The following HECTD2 variants were observed in gnomAD, a reference collection of about 807,000 sequenced individuals.
The protein encoded by HECTD2 is probable E3 ubiquitin-protein ligase HECTD2.
Under a neutral mutation model 103.2 loss-of-function variants are expected in HECTD2, and 35 were observed. That is an observed-to-expected ratio of 0.34 (90% CI 0.26 to 0.45). The LOEUF is 0.45. Among genes scored for constraint, HECTD2 ranks in the 20% least tolerant of loss-of-function variants. The pLI is 1.00. For synonymous variants in HECTD2, 281 were observed against 329.9 expected (o/e 0.85, Z 1.61); for missense variants, 596 against 937.4 (o/e 0.64, Z 4.76).
intron 5 of HECTD2, chr10:91,463,743 C>T (rs1360995174): frequency 6.6e-6 from 1 of 152,100 alleles, no homozygotes; most frequent in Non-Finnish European, 1.5e-5. Context: ...ATGAAAATAA[C>T]ATTACACATC....
chr10:91,414,896 C>T (rs1307803814), intron 1 of HECTD2, among the ~76,000 whole-genome samples: 10 of 151,952 alleles, frequency 6.6e-5, no homozygotes, highest in Admixed American at 5.9e-4. Context: ...TTTTTTTCCC[C>T]CTGCGGTTAG....
In HECTD2 at chr10:91,513,302, A is replaced by G. The variant is rs372562565; in HGVS notation, c.*918A>G. The G allele has an allele frequency of 6.6e-6, 1 of 152,662 alleles. No homozygotes were observed. The highest frequency in any genetic ancestry group is 2.4e-5 in the African/African-American group (1 of 41,470). 9.5% of individuals were successfully genotyped at this position (152,662 alleles called of 1,614,324 possible). On this transcript the variant is annotated 3_prime_UTR_variant, in exon 21 of 21. Transcript: ENST00000298068. ...CTTTTATAAATCTTTTGAATCATGT[A>G]CAAGACTTATATCTACATTTTTTGA... is the stretch of plus-strand genomic sequence containing the variant.
intron 2 of HECTD2, among the ~76,000 whole-genome samples, chr10:91,427,126 TTAC>T: frequency 6.6e-6 from 1 of 150,592 alleles, no homozygotes; most frequent in Non-Finnish European, 1.5e-5. Flanking sequence ...TTGCGATAGT[TTAC>T]TGAGAATGAT....
intron 2 of HECTD2, among the ~76,000 whole-genome samples, chr10:91,434,195 A>AT (rs1253009610): frequency 2.7e-5 from 4 of 150,514 alleles, no homozygotes; most frequent in Admixed American, 1.3e-4. Flanking sequence ...CTTCAATTTT[A>AT]TTTTTTGCCA....
intron 20 of HECTD2, among the ~76,000 whole-genome samples, chr10:91,504,383 A>T (rs1425487678): frequency 6.6e-6 from 1 of 150,660 alleles, no homozygotes; most frequent in Non-Finnish European, 1.5e-5. Context: ...CTTTGAAAAA[A>T]ATTTAGAAGA....
intron 5 of HECTD2, among the ~76,000 whole-genome samples, chr10:91,475,705 C>T (rs892077955): frequency 6.6e-6 from 1 of 152,146 alleles, no homozygotes; most frequent in Non-Finnish European, 1.5e-5. Flanking sequence ...ATACATCAGT[C>T]AGGGTCCTGG....
chr10:91,493,120 A>C (rs775729453), intron 13 of HECTD2, among the ~76,000 whole-genome samples: 4 of 151,644 alleles, frequency 2.6e-5, no homozygotes, highest in Non-Finnish European at 4.4e-5. Context: ...CTATGAAACT[A>C]TACTTTTTAT....
At chr10:91,438,119 C>CTTAAAGAA (rs1844214700) in intron 2 of HECTD2, among the ~76,000 whole-genome samples, 1 of 151,534 alleles carries the variant, frequency 6.6e-6, no homozygotes, top group Non-Finnish European at 1.5e-5. Flanking sequence ...TTCTGGGATA[C>CTTAAAGAA]ATGTGCAGAA....
chr10:91,424,255 A>G (rs1239174949), intron 1 of HECTD2, among the ~76,000 whole-genome samples: 2 of 152,148 alleles, frequency 1.3e-5, no homozygotes, highest in Non-Finnish European at 2.9e-5. Context: ...GCCTGTTAGA[A>G]TGAATCAGAT....
At chr10:91,458,275 T>C (rs1440149636) in intron 2 of HECTD2, among the ~76,000 whole-genome samples, 1 of 151,846 alleles carries the variant, frequency 6.6e-6, no homozygotes, top group Non-Finnish European at 1.5e-5. Flanking sequence ...GTGAAAGAAA[T>C]TAAGATCTAA....
chr10:91,414,652 G>C (rs960699521), intron 1 of HECTD2, among the ~76,000 whole-genome samples: 1 of 152,210 alleles, frequency 6.6e-6, no homozygotes. Flanking sequence ...GAAAGGCCTT[G>C]AAGTAAAGGT....
intron 2 of HECTD2, among the ~76,000 whole-genome samples, chr10:91,429,521 G>A (rs982326301): frequency 2.0e-5 from 3 of 152,010 alleles, no homozygotes; most frequent in African/African-American, 4.8e-5. Context: ...ACTCTTTTTG[G>A]TTGGTAAGCT....
At chr10:91,475,003 G>C (rs1292407433) in intron 5 of HECTD2, among the ~76,000 whole-genome samples, 1 of 152,204 alleles carries the variant, frequency 6.6e-6, no homozygotes, top group Non-Finnish European at 1.5e-5. Context: ...CAGAAATAAG[G>C]CTTGTGAGAC....
At position 91,498,979 on chromosome 10, in the gene HECTD2, A is replaced by C. The variant is rs931993384; in HGVS notation, c.1843+20A>C. The C allele has an allele frequency of 6.5e-7, 1 of 1,549,640 alleles. No individual in the cohort carries two copies. The highest frequency in any genetic ancestry group is 1.7e-5 in the Admixed American group (1 of 58,394). On this transcript the variant is annotated intron_variant, in intron 17 of 20. Coordinates refer to ENST00000298068, the MANE Select transcript of HECTD2 (RefSeq NM_182765.6). ...GAAAAGGTAAGTTAATACCCTTTTTAATTAAAATGAATTAGTATTTGCCAT... is the reference window on the plus strand; with the variant it reads ...GAAAAGGTAAGTTAATACCCTTTTTCATTAAAATGAATTAGTATTTGCCAT...
intron 15 of HECTD2, 58 bp from the exon 16 acceptor site, chr10:91,498,050 C>T (rs900764000): frequency 1.8e-5 from 21 of 1,193,354 alleles, no homozygotes; most frequent in Non-Finnish European, 2.4e-5. Context: ...AAAGCCACTT[C>T]ATTATCCTAG....
intron 20 of HECTD2, among the ~76,000 whole-genome samples, chr10:91,503,785 G>A (rs1847018469): frequency 6.6e-6 from 1 of 152,222 alleles, no homozygotes; most frequent in Admixed American, 6.5e-5. Flanking sequence ...ACAGCTCAAG[G>A]AGGCCTGCCT....
intron 20 of HECTD2, among the ~76,000 whole-genome samples, chr10:91,504,009 A>C (rs1359966165): frequency 6.6e-6 from 1 of 152,220 alleles, no homozygotes; most frequent in Non-Finnish European, 1.5e-5. Context: ...ACCCTCCAGC[A>C]GGGGCACACT....
At chr10:91,501,842 T>C (rs879448201) in intron 20 of HECTD2, among the ~76,000 whole-genome samples, 1 of 152,016 alleles carries the variant, frequency 6.6e-6, no homozygotes, top group Admixed American at 6.5e-5. Context: ...TTAAATTATT[T>C]TCTAGCAGTG....
chr10:91,432,337 A>G (rs182311481), intron 2 of HECTD2, among the ~76,000 whole-genome samples: 8 of 152,010 alleles, frequency 5.3e-5, no homozygotes, highest in Admixed American at 3.9e-4. Flanking sequence ...GAAACTGCAA[A>G]AACCCAGCGT....
Sources: allele counts gnomAD v4.1 joint callset (sites outside exome capture counted in the v4.1 genomes callset), GRCh38; gene constraint gnomAD v4.1.1; transcripts MANE v1.5; gene names NCBI Gene and HGNC (gene_info 2026-07-23, HGNC 2026-07-21).